TNFRSF8: variants seen among roughly 807,000 people sequenced by gnomAD.
The protein encoded by TNFRSF8 is TNF receptor superfamily member 8.
In TNFRSF8, 26 loss-of-function variants were observed where a neutral mutation model predicts 70.8. The observed-to-expected ratio is 0.37, with a 90% CI of 0.27 to 0.51. The LOEUF is 0.51. Ranked by LOEUF, TNFRSF8 falls within the 20% of genes least tolerant of loss-of-function variation. The probability of loss-of-function intolerance (pLI) is 0.94; values close to 1 mark genes in which losing one functional copy is unlikely to be tolerated. For missense variants in TNFRSF8, 720 were observed against 807.9 expected (o/e 0.89, Z 1.32); for synonymous variants, 356 against 339.2 (o/e 1.05, Z -0.54).
At chr1:12,132,127 T>C (rs1415172401) in intron 12 of TNFRSF8, among the ~76,000 whole-genome samples, 2 of 152,186 alleles carry the variant, frequency 1.3e-5, no homozygotes. Flanking sequence ...TACAGAAAAT[T>C]GGAGAAGACA....
At chr1:12,127,672 A>AG (rs773568870) in intron 12 of TNFRSF8, among the ~76,000 whole-genome samples, 56 of 152,306 alleles carry the variant, frequency 3.7e-4, no homozygotes, top group Non-Finnish European at 6.9e-4. Context: ...TCCCTGTGCA[A>AG]GGGGGGTTTT....
At position 12,144,146 on chromosome 1, in the gene TNFRSF8, T is replaced by C. The variant is rs1271522068; in HGVS notation, c.*1615T>C. The C allele has an allele frequency of 7.2e-5, 11 of 152,270 alleles. No homozygotes were observed. Among genetic ancestry groups the C allele is most frequent in the African/African-American group, 2.7e-4 (11 of 41,476 alleles). The allele number at this position is 152,270 out of a possible 1,614,324, so 9.4% of individuals were successfully genotyped here. A position where few individuals can be genotyped will look rare whatever the true frequency, so the allele number is the denominator to read the frequency against. On this transcript the variant is annotated 3_prime_UTR_variant, in exon 15 of 15. Transcript: ENST00000263932. ...CAACAAAATAATGCACTTCCTTACC[T>C]AGTGGCCCTTCACACAACTTTTGAA...
chr1:12,127,752 G>A (rs1641968068), intron 12 of TNFRSF8, among the ~76,000 whole-genome samples: 1 of 152,310 alleles, frequency 6.6e-6, no homozygotes, highest in East Asian at 1.9e-4. Flanking sequence ...ACCGGCGTTT[G>A]CTTTCTTGAC....
intron 6 of TNFRSF8, among the ~76,000 whole-genome samples, chr1:12,111,682 T>G (rs1641633986): frequency 6.6e-6 from 1 of 152,042 alleles, no homozygotes; most frequent in Non-Finnish European, 1.5e-5. Flanking sequence ...GGGCAGGGGC[T>G]GGTTGGGGGG....
chr1:12,115,969 T>C (rs1347719810), intron 8 of TNFRSF8, among the ~76,000 whole-genome samples: 1 of 152,158 alleles, frequency 6.6e-6, no homozygotes, highest in East Asian at 1.9e-4. Flanking sequence ...CTTCCTGAAA[T>C]TATTGGGCTG....
chr1:12,116,749 G>A (rs1043351013), intron 8 of TNFRSF8, among the ~76,000 whole-genome samples: 11 of 152,074 alleles, frequency 7.2e-5, no homozygotes, highest in South Asian at 2.1e-4. Context: ...GCAGTGAGCC[G>A]AGATTGCACC....
chr1:12,111,771 T>G (rs1641635950), intron 6 of TNFRSF8, 127 bp from the exon 7 acceptor site: 3 of 757,370 alleles, frequency 4.0e-6, no homozygotes, highest in African/African-American at 1.7e-5. Context: ...TCTGAAAGGC[T>G]GGACTGAGCT....
At chr1:12,124,751 G>A (rs1641899822) in intron 10 of TNFRSF8, among the ~76,000 whole-genome samples, 1 of 152,168 alleles carries the variant, frequency 6.6e-6, no homozygotes, top group African/African-American at 2.4e-5. Context: ...GAACCCGGGA[G>A]GCGGAGGTTG....
At chr1:12,124,829 C>CAAACAAAACA (rs201195847) in intron 10 of TNFRSF8, among the ~76,000 whole-genome samples, 8,532 of 145,984 alleles carry the variant, frequency 0.058, 336 homozygotes, top group African/African-American at 0.069. Flanking sequence ...GAATCAGTCT[C>CAAACAAAACA]AAACAAAACA....
chr1:12,093,130 C>T (rs148083989), intron 2 of TNFRSF8, among the ~76,000 whole-genome samples: 194 of 152,226 alleles, frequency 1.3e-3, no homozygotes, highest in African/African-American at 4.4e-3. Context: ...ATGAGAACAC[C>T]GGTCAGATTA....
intron 2 of TNFRSF8, among the ~76,000 whole-genome samples, chr1:12,090,610 A>T (rs1370040165): frequency 7.2e-6 from 1 of 138,866 alleles, no homozygotes; most frequent in Non-Finnish European, 1.5e-5. Flanking sequence ...CCATTTACCC[A>T]CCCATCCACC....
intron 12 of TNFRSF8, among the ~76,000 whole-genome samples, chr1:12,135,129 C>G (rs893526129): frequency 6.6e-6 from 1 of 151,834 alleles, no homozygotes; most frequent in Non-Finnish European, 1.5e-5. Context: ...GCCTGGCCAA[C>G]GTGGTGAAAC....
At chr1:12,136,460 C>T (rs1167434227) in intron 13 of TNFRSF8, among the ~76,000 whole-genome samples, 1 of 151,886 alleles carries the variant, frequency 6.6e-6, no homozygotes, top group African/African-American at 2.4e-5. Flanking sequence ...ACCAGCCTTG[C>T]CAACATAGTG....
chr1:12,070,362 C>A (rs1235163429), intron 1 of TNFRSF8, among the ~76,000 whole-genome samples: 2 of 152,014 alleles, frequency 1.3e-5, no homozygotes, highest in Non-Finnish European at 2.9e-5. Flanking sequence ...GCCATTCTCT[C>A]GCCTTAGCCT....
chr1:12,138,233 T>G lies in TNFRSF8; in HGVS notation c.1340T>G (p.Leu447Arg). The change falls in exon 14 of 15, where the codon CTG becomes CGG. Residue 447 changes from leucine to arginine, a missense_variant. Leu to Arg is a moderately radical substitution (Grantham distance 102). Coordinates refer to ENST00000263932, the MANE Select transcript of TNFRSF8 (RefSeq NM_001243.5). The surrounding 1 kb of genome is among the most constrained non-coding windows in gnomAD (Gnocchi z 5.7). ...DSRPRRSSTQ[L>R]RSGASVTEPV... The stretch of plus-strand genomic sequence containing the variant: ...GCACCCATTCCCGTCCCACAGCAGC[T>G]GAGGAGTGGTGCGTCGGTGACAGAA... 6.2e-7 allele frequency: 1 copy of G among 1,613,178 alleles called. No homozygotes were observed.
rs1641479831 is a variant in TNFRSF8 at position 12,104,383 on chromosome 1, C to T, written c.273C>T (p.Asp91=). ...CTACVTCSRD[D]LVEKTPCAWN... ...ACCCCTGTCTGTGTCCCTTAGACGA[C>T]CTCGTGGAGAAGACGCCGTGTGCAT... The change falls in exon 4 of 15, where the codon GAC becomes GAT. Residue 91 remains aspartate, a synonymous_variant. Transcript: ENST00000263932. 6.2e-7 allele frequency: 1 copy of T among 1,614,102 alleles called. No individual in the cohort carries two copies. Among genetic ancestry groups the T allele is most frequent in the African/African-American group, 1.3e-5 (1 of 75,026 alleles).
intron 1 of TNFRSF8, among the ~76,000 whole-genome samples, chr1:12,073,549 G>C (rs1230379084): frequency 5.1e-5 from 6 of 117,206 alleles, no homozygotes; most frequent in South Asian, 2.8e-4. Flanking sequence ...TTTCCCTTTC[G>C]TTTTCCCTTT....
rs11569836 is a variant in TNFRSF8, at chr1:12,097,264, G to C, written c.268+47G>C. 16,458 of 1,441,204 alleles carry C rather than the reference G, an allele frequency of 0.011. 1,731 individuals carry two copies. In the Admixed American group the frequency reaches 0.21, roughly 19 times the overall value. The allele number at this position is 1,441,204 out of a possible 1,614,324, so 89.3% of individuals were successfully genotyped here. A position where few individuals can be genotyped will look rare whatever the true frequency, so the allele number is the denominator to read the frequency against. ...CAGGGCCTCCTTCTAGGGAGCATGA[G>C]GGGTCCTCAGAGGAGAGGTGAAGAA... On this transcript the variant is annotated intron_variant, in intron 3 of 14. Transcript: ENST00000263932.
At chr1:12,094,058 C>CAAAAAAAA (rs778868213) in intron 2 of TNFRSF8, among the ~76,000 whole-genome samples, 1 of 84,686 alleles carries the variant, frequency 1.2e-5, no homozygotes, top group African/African-American at 4.8e-5. Flanking sequence ...GACTTTGTCT[C>CAAAAAAAA]AAAAAAAAAA....
Sources: gnomAD v4.1 joint callset for allele counts (sites outside exome capture counted in the v4.1 genomes callset) on GRCh38, gnomAD v4.1.1 for gene constraint, Gnocchi (gnomAD v3.1) non-coding constraint, MANE v1.5 for transcripts, NCBI Gene and HGNC (gene_info 2026-07-23, HGNC 2026-07-21) for gene names.